Variants in PTDSS2 observed in about 807,000 individuals in gnomAD.
PTDSS2 encodes the protein phosphatidylserine synthase 2, also known as PSS-2.
PTDSS2 carries 41 observed loss-of-function variants against 64.7 expected under a neutral mutation model. The observed-to-expected ratio is 0.63, with a 90% CI of 0.49 to 0.82. PTDSS2 has a LOEUF of 0.82. PTDSS2 is among the 40% of genes least tolerant of loss of function. The probability of loss-of-function intolerance (pLI) is 0.00; values close to 1 mark genes in which losing one functional copy is unlikely to be tolerated. For missense variants in PTDSS2, 485 were observed against 650.0 expected, an observed-to-expected ratio of 0.75 and a Z score of 2.76; for synonymous variants, 297 against 277.8, an observed-to-expected ratio of 1.07 and a Z score of -0.69.
rs757427961 is a variant in PTDSS2 at position 461,385 on chromosome 11, G to A, written c.284+1097G>A. Among the ~76,000 whole-genome samples the A allele has an allele frequency of 1.3e-5, 2 of 152,138 alleles. No homozygotes were observed. Among genetic ancestry groups the A allele is most frequent in the Non-Finnish European group, 2.9e-5 (2 of 68,018 alleles). ...AGGGGAGCGGATGCTTTAGAATCAC[G>A]CACAGCAGACCTCATAACTGAGTCC... is the stretch of plus-strand genomic sequence containing the variant. On this transcript the variant is annotated intron_variant, in intron 2 of 11. Coordinates refer to ENST00000308020, the MANE Select transcript of PTDSS2 (RefSeq NM_030783.3). The surrounding 1 kb of genome is among the most constrained non-coding windows in gnomAD (Gnocchi z 4.2).
At chr11:469,303 C>T (rs1847300492) in intron 2 of PTDSS2, among the ~76,000 whole-genome samples, 1 of 96,866 alleles carries the variant, frequency 1.0e-5, no homozygotes, top group East Asian at 3.0e-4. Context: ...GGAGGGGAGT[C>T]TCTGGGTAAT....
At chr11:455,078 C>G (rs1253038449) in intron 1 of PTDSS2, among the ~76,000 whole-genome samples, 1 of 152,108 alleles carries the variant, frequency 6.6e-6, no homozygotes, top group Non-Finnish European at 1.5e-5. Flanking sequence ...GAGGCCTGGT[C>G]GTTTCCATCT....
At chr11:451,306 G>A (rs1846317192) in intron 1 of PTDSS2, 2 of 417,016 alleles carry the variant, frequency 4.8e-6, no homozygotes, top group Non-Finnish European at 1.0e-5. Flanking sequence ...GGGTGGAAAA[G>A]GAAGAGGCCC....
chr11:484,656 T>A (rs1208690416), intron 4 of PTDSS2, among the ~76,000 whole-genome samples: 1 of 150,208 alleles, frequency 6.7e-6, no homozygotes, highest in South Asian at 2.1e-4. Flanking sequence ...GCTCACTGTG[T>A]GCACAGGCGT....
At chr11:454,134 A>T (rs1846475402) in intron 1 of PTDSS2, among the ~76,000 whole-genome samples, 1 of 152,144 alleles carries the variant, frequency 6.6e-6, no homozygotes, top group African/African-American at 2.4e-5. Flanking sequence ...GGAGCTCACT[A>T]ATACGGACCT....
chr11:489,279 A>G (rs1254144429), intron 8 of PTDSS2, 121 bp from the exon 9 acceptor site: 2 of 783,492 alleles, frequency 2.6e-6, no homozygotes, highest in Non-Finnish European at 4.2e-6. Context: ...GGTGACCAAG[A>G]GCAGAGCTCG....
chr11:450,366 C>A lies in PTDSS2; in HGVS notation c.-90C>A. 8.8e-7 allele frequency: 1 copy of A among 1,138,614 alleles called. No homozygotes were observed. The highest frequency in any genetic ancestry group is 1.1e-6 in the Non-Finnish European group (1 of 907,792). The allele number at this position is 1,138,614 out of a possible 1,614,324, so 70.5% of individuals were successfully genotyped here. A position where few individuals can be genotyped will look rare whatever the true frequency, so the allele number is the denominator to read the frequency against. On this transcript the variant is annotated 5_prime_UTR_variant, in exon 1 of 12. Coordinates refer to ENST00000308020, the MANE Select transcript of PTDSS2 (RefSeq NM_030783.3). ...AGCGCCGCGACCCCTTCCCAGCGCT[C>A]CTCGCGCTGTGTGCGGCGCGTCCTC... is the stretch of plus-strand genomic sequence containing the variant.
chr11:488,609 G>T lies in PTDSS2; in HGVS notation c.816G>T (p.Thr272=), dbSNP rs11539814. The part of the protein sequence containing the change: ...MKTLEWLSLK[T]YKWQGLWNIP... ...CCCTTGAGTGGCTGTCCCTGAAGAC[G>T]TACAAGTGGCAGGGCCTCTGGAACA... The change falls in exon 8 of 12, where the codon ACG becomes ACT. Residue 272 remains threonine (T), a synonymous_variant. Coordinates refer to ENST00000308020, the MANE Select transcript of PTDSS2 (RefSeq NM_030783.3). The T allele has an allele frequency of 0.028, 44,815 of 1,613,156 alleles. 780 individuals are homozygous for T. The highest frequency in any genetic ancestry group is 0.035 in the Admixed American group (2,119 of 60,014).
chr11:488,085 G>T lies in PTDSS2; in HGVS notation c.622-114G>T, dbSNP rs1321397026. ...TGCACGCACCCGTGGGCAGGGCCGG[G>T]CGTGGCCGGCGTCCCATACTCTGGC... On this transcript the variant is annotated intron_variant, in intron 6 of 11. Transcript: ENST00000308020. 1.8e-5 allele frequency: 13 copies of T among 717,690 alleles called. No homozygotes were observed. In the Admixed American group the frequency reaches 2.8e-4, roughly 16 times the overall value. 44.5% of individuals were successfully genotyped at this position (717,690 alleles called of 1,614,324 possible). A position where few individuals can be genotyped will look rare whatever the true frequency, so the allele number is the denominator to read the frequency against.
intron 8 of PTDSS2, among the ~76,000 whole-genome samples, chr11:488,923 C>T (rs1370412512): frequency 1.3e-5 from 2 of 152,248 alleles, no homozygotes; most frequent in African/African-American, 4.8e-5. Context: ...GTGCTTCTCC[C>T]TCCCTTGGTT....
At position 487,035 on chromosome 11, in the gene PTDSS2, G is replaced by A. The variant is rs756402872; in HGVS notation, c.532G>A (p.Asp178Asn). ...CTACGGGGGAAACTGCCTCATCTAC[G>A]ACCCAGACAATGAGACTGACCCCTT... ...RDYGGNCLIY[D>N]PDNETDPFHN... Residue 178 changes from aspartate (D) to asparagine (N), a missense_variant, in exon 5 of 12, where the codon GAC (aspartate) becomes AAC (asparagine). By Grantham distance (23) the Asp-to-Asn change is conservative (BLOSUM62 1). Around this residue, in one of 3 missense-constraint regions of PTDSS2, gnomAD observed 251 missense variants for 348.0 expected, o/e 0.72. Transcript: ENST00000308020. The A allele has an allele frequency of 1.2e-5, 19 of 1,613,464 alleles. No individual in the cohort carries two copies. Among genetic ancestry groups the A allele is most frequent in the African/African-American group, 2.7e-5 (2 of 74,944 alleles).
intron 3 of PTDSS2, among the ~76,000 whole-genome samples, chr11:475,262 C>CACGTTTGTGTGATGCGGACATATTCAT (rs1164758616): frequency 8.8e-5 from 9 of 102,188 alleles, no homozygotes; most frequent in Admixed American, 3.1e-4. Context: ...GACATATTCA[C>CACGTTTGTGTGATGCGGACATATTCAT]GCGTTTGTGA....
intron 8 of PTDSS2, 25 bp downstream of exon 8, chr11:488,672 A>C: frequency 2.8e-6 from 4 of 1,429,632 alleles, no homozygotes; most frequent in Non-Finnish European, 3.0e-6. Context: ...CTGCGAGGGC[A>C]GGGCCGGGTG....
rs1459964028 is a variant in PTDSS2 at position 490,606 on chromosome 11, G to A, written c.*24G>A. 2 of 1,552,904 alleles carry A rather than the reference G, an allele frequency of 1.3e-6. No individual in the cohort carries two copies. Among genetic ancestry groups the A allele is most frequent in the East Asian group, 4.7e-5 (2 of 42,280 alleles). ...GACCTGGGCCGTGGCTGCCTCGTGA[G>A]CCTCCCAGAGCCCAGGCCTCCGTGG... On this transcript the variant is annotated 3_prime_UTR_variant, in exon 12 of 12. Transcript: ENST00000308020.
intron 6 of PTDSS2, among the ~76,000 whole-genome samples, 133 bp from the exon 7 acceptor site, chr11:488,043 GCCAGCCGGGTGGGGGCTGCACGC>G (rs1848479489): frequency 7.3e-6 from 1 of 137,306 alleles, no homozygotes; most frequent in African/African-American, 2.9e-5. Flanking sequence ...TACTCTGGCT[GCCAGCCGGGTGGGGGCTGCACGC>G]ACCCGTGGGC....
rs559095476 is a variant in PTDSS2, at chr11:485,950, A to G, written c.436-989A>G. 3.0e-3 allele frequency among the ~76,000 whole-genome samples: 339 copies of G among 111,670 alleles called. 1 individual carries two copies. Among genetic ancestry groups the G allele is most frequent in the Non-Finnish European group, 4.0e-3 (222 of 56,140 alleles). The allele number at this position is 111,670 out of a possible 152,430, so 73.3% of individuals were successfully genotyped here. A position where few individuals can be genotyped will look rare whatever the true frequency, so the allele number is the denominator to read the frequency against. ...TCACCGTGCGCGCAGGCGAGCGTAA[A>G]CAGTGCACGGGCGCGCGTGTGCTCA... On this transcript the variant is annotated intron_variant, in intron 4 of 11. Transcript: ENST00000308020.
In PTDSS2 at chr11:460,647, C is replaced by T. The variant is rs896686309; in HGVS notation, c.284+359C>T. 8 of 212,522 alleles carry T rather than the reference C, an allele frequency of 3.8e-5. No individual in the cohort carries two copies. The highest frequency in any genetic ancestry group is 7.7e-5 in the Non-Finnish European group (8 of 104,472). 13.2% of individuals were successfully genotyped at this position (212,522 alleles called of 1,614,324 possible). On this transcript the variant is annotated intron_variant, in intron 2 of 11. Coordinates refer to ENST00000308020, the MANE Select transcript of PTDSS2 (RefSeq NM_030783.3). The surrounding 1 kb of genome is among the most constrained non-coding windows in gnomAD (Gnocchi z 5.8). The stretch of plus-strand genomic sequence containing the variant: ...TTGGGCGTCTCCGGGGGTGAGGTTC[C>T]TGCGGTGGCCGCGTGCTGGTTCCGT...
At chr11:456,959 G>T (rs1168583787) in intron 1 of PTDSS2, among the ~76,000 whole-genome samples, 2 of 152,168 alleles carry the variant, frequency 1.3e-5, no homozygotes, top group African/African-American at 4.8e-5. Context: ...GTAAAATATG[G>T]CAGAAGAATT....
Position 460,112 on chromosome 11 carries a change from T to G in PTDSS2, c.183-75T>G, listed in dbSNP as rs984064329. 8.6e-7 allele frequency: 1 copy of G among 1,163,076 alleles called. No individual in the cohort carries two copies. Among genetic ancestry groups the G allele is most frequent in the African/African-American group, 1.5e-5 (1 of 65,816 alleles). The allele number at this position is 1,163,076 out of a possible 1,614,324, so 72.0% of individuals were successfully genotyped here. A position where few individuals can be genotyped will look rare whatever the true frequency, so the allele number is the denominator to read the frequency against. ...GCCCTCTCCTTGACGTAGAGAGGAT[T>G]TGGGGCCTGTTACGTGAGTATTTAG... On this transcript the variant is annotated intron_variant, in intron 1 of 11. Coordinates refer to ENST00000308020, the MANE Select transcript of PTDSS2 (RefSeq NM_030783.3). The surrounding 1 kb of genome is among the most constrained non-coding windows in gnomAD (Gnocchi z 5.8).
Sources: gnomAD v4.1 joint callset for allele counts (sites outside exome capture counted in the v4.1 genomes callset) on GRCh38, gnomAD v4.1.1 for gene constraint, gnomAD v4.1.1 regional missense constraint, Gnocchi (gnomAD v3.1) non-coding constraint, MANE v1.5 for transcripts, NCBI Gene and HGNC (gene_info 2026-07-23, HGNC 2026-07-21) for gene names.